MKRN2OS: variants seen among roughly 807,000 people sequenced by gnomAD.
The protein encoded by MKRN2OS is MKRN2 opposite strand protein.
Under a neutral mutation model 18.2 loss-of-function variants are expected in MKRN2OS, and 17 were observed. That is an observed-to-expected ratio of 0.93 (90% CI 0.64 to 1.40). MKRN2OS has a LOEUF of 1.40. MKRN2OS is among the 40% of genes most tolerant of loss of function. The pLI is 0.00. For missense variants in MKRN2OS, 337 were observed against 283.0 expected, an observed-to-expected ratio of 1.19 and a Z score of -1.37; for synonymous variants, 121 against 108.5, an observed-to-expected ratio of 1.12 and a Z score of -0.72.
At chr3:12,545,595 G>A (rs2057875220), upstream of MKRN2OS, 1 of 650,166 alleles carries the variant, frequency 1.5e-6, no homozygotes, top group Admixed American at 3.3e-5. Flanking sequence ...GGCTTCAGAA[G>A]CCAAACCAGA....
In MKRN2OS at chr3:12,540,229, C is replaced by T; in HGVS notation, c.636G>A (p.Gln212=). ...HGFYVTDCPQ[Q]QAQPPEGGGL... ...CGCCGCCCTCAGGGGGTTGTGCCTGCTGCTGGGGACAGTCAGTGACGTAGA... is the reference window on the plus strand; with the variant it reads ...CGCCGCCCTCAGGGGGTTGTGCCTGTTGCTGGGGACAGTCAGTGACGTAGA... Residue 212 remains glutamine (Q), a synonymous_variant, in exon 4 of 4, where the codon CAG becomes CAA. Coordinates refer to ENST00000564146, the MANE Select transcript of MKRN2OS (RefSeq NM_001195279.2). The T allele has an allele frequency of 6.5e-7, 1 of 1,536,156 alleles. No individual in the cohort carries two copies. The highest frequency in any genetic ancestry group is 8.7e-7 in the Non-Finnish European group (1 of 1,146,910).
chr3:12,544,418 G>A (rs2057857891), intron 1 of MKRN2OS, among the ~76,000 whole-genome samples: 1 of 152,154 alleles, frequency 6.6e-6, no homozygotes, highest in Non-Finnish European at 1.5e-5. Context: ...GCTGATGCCT[G>A]TAATCCCACC....
chr3:12,542,017 C>T lies in MKRN2OS; in HGVS notation c.274G>A (p.Val92Met). 1 of 1,533,534 alleles carries T rather than the reference C, an allele frequency of 6.5e-7. No homozygotes were observed. Among genetic ancestry groups the T allele is most frequent in the Non-Finnish European group, 8.7e-7 (1 of 1,145,266 alleles). 95.0% of individuals were successfully genotyped at this position (1,533,534 alleles called of 1,614,324 possible). A position where few individuals can be genotyped will look rare whatever the true frequency, so the allele number is the denominator to read the frequency against. ...ACACCATGTGCACTGTAATTATACACAACCCCTGCAAATCAAAACCAAAGT... is the reference window on the plus strand; with the variant it reads ...ACACCATGTGCACTGTAATTATACATAACCCCTGCAAATCAAAACCAAAGT... The part of the protein sequence containing the change: ...HVGITNTNGV[V>M]YNYSAHGVQR... The change falls in exon 3 of 4, where the codon GTG becomes ATG. Residue 92 changes from valine (V) to methionine (M), a missense_variant. Val to Met is a conservative substitution (Grantham distance 21). Transcript: ENST00000564146.
At chr3:12,545,586 G>A (rs1477309439), upstream of MKRN2OS, 8 of 704,022 alleles carry the variant, frequency 1.1e-5, no homozygotes, top group East Asian at 2.3e-4. Context: ...CTGACTGATG[G>A]CTTCAGAAGC....
chr3:12,548,864 A>T (rs1327497555), upstream of MKRN2OS, among the ~76,000 whole-genome samples: 2 of 152,184 alleles, frequency 1.3e-5, no homozygotes, highest in Admixed American at 6.5e-5. Flanking sequence ...TAATCTTGTT[A>T]TAAAATAAAA....
rs73126397 is a variant in MKRN2OS at position 12,559,250 on chromosome 3, C to T, written n.264+1507G>A. Among the ~76,000 whole-genome samples, 862 of 152,258 alleles carry T rather than the reference C, an allele frequency of 5.7e-3. 4 individuals are homozygous for T. The highest frequency in any genetic ancestry group is 0.019 in the African/African-American group (791 of 41,554). ...AATATGACCAAGAGTACCAAGTTTA[C>T]ATTAGTGTGTTTATCTACCATCAAC... is the stretch of plus-strand genomic sequence containing the variant. On this transcript the variant is annotated intron_variant and non_coding_transcript_variant, in intron 1 of 1. Transcript: ENST00000447550.
At position 12,540,188 on chromosome 3, in the gene MKRN2OS, A is replaced by G; in HGVS notation, c.*5T>C. 6.5e-7 allele frequency: 1 copy of G among 1,536,114 alleles called. No homozygotes were observed. The highest frequency in any genetic ancestry group is 8.7e-7 in the Non-Finnish European group (1 of 1,146,908). On this transcript the variant is annotated 3_prime_UTR_variant, in exon 4 of 4. Coordinates refer to ENST00000564146, the MANE Select transcript of MKRN2OS (RefSeq NM_001195279.2). ...TCCAGCGTCCAGGCTGCGCTTACATAGCTCTCAGCACAAACCGCCGCCCTC... is the reference window on the plus strand; with the variant it reads ...TCCAGCGTCCAGGCTGCGCTTACATGGCTCTCAGCACAAACCGCCGCCCTC...
upstream of MKRN2OS, chr3:12,545,551 G>C (rs990685113): frequency 5.8e-6 from 6 of 1,031,204 alleles, no homozygotes; most frequent in African/African-American, 8.1e-5. Context: ...CCGCCCCAAG[G>C]AACCTGATCA....
At chr3:12,549,953 C>G (rs771866310), upstream of MKRN2OS, among the ~76,000 whole-genome samples, 16 of 152,170 alleles carry the variant, frequency 1.1e-4, no homozygotes, top group Non-Finnish European at 2.1e-4. Context: ...ATACCAAATA[C>G]TGGAGAGGAT....
At chr3:12,546,000 G>A (rs1237209476), upstream of MKRN2OS, among the ~76,000 whole-genome samples, 1 of 152,054 alleles carries the variant, frequency 6.6e-6, no homozygotes, top group African/African-American at 2.4e-5. Context: ...TAGAGATGGG[G>A]GTTTCACCAT....
At chr3:12,556,529 A>G (rs1229452725) in intron 1 of MKRN2OS, among the ~76,000 whole-genome samples, 1 of 152,166 alleles carries the variant, frequency 6.6e-6, no homozygotes, top group African/African-American at 2.4e-5. Flanking sequence ...GGTTTCCACC[A>G]TAGGAAATGG....
intron 2 of MKRN2OS, among the ~76,000 whole-genome samples, chr3:12,542,922 A>C (rs1023190710): frequency 7.2e-5 from 11 of 152,182 alleles, no homozygotes; most frequent in Non-Finnish European, 1.5e-4. Flanking sequence ...TTTAAAAACC[A>C]ATAAAAAATG....
chr3:12,558,019 G>C (rs527335404), intron 1 of MKRN2OS, among the ~76,000 whole-genome samples: 1 of 152,356 alleles, frequency 6.6e-6, no homozygotes, highest in East Asian at 1.9e-4. Flanking sequence ...CTATTGAATT[G>C]TATGTTTGGA....
chr3:12,546,888 A>T (rs2057889779), upstream of MKRN2OS, among the ~76,000 whole-genome samples: 1 of 152,160 alleles, frequency 6.6e-6, no homozygotes, highest in African/African-American at 2.4e-5. Context: ...TACATGGGAT[A>T]TTTTGATACA....
chr3:12,557,571 A>G (rs1300506392), intron 1 of MKRN2OS, among the ~76,000 whole-genome samples: 28 of 152,280 alleles, frequency 1.8e-4, no homozygotes, highest in Non-Finnish European at 1.3e-4. Context: ...TGGGGATACC[A>G]CATAGGAGTA....
upstream of MKRN2OS, among the ~76,000 whole-genome samples, chr3:12,546,411 A>C (rs1237292084): frequency 9.2e-5 from 14 of 151,982 alleles, no homozygotes; most frequent in South Asian, 4.1e-4. Flanking sequence ...GGCTGTTGTG[A>C]CTCATCTGGG....
intron 1 of MKRN2OS, chr3:12,557,058 G>A (rs2057978748): frequency 1.6e-6 from 2 of 1,268,144 alleles, no homozygotes; most frequent in Non-Finnish European, 2.0e-6. Context: ...GGCGTGACGC[G>A]GCTACGCGGG....
At chr3:12,553,155 G>C (rs768924458), downstream of MKRN2OS, among the ~76,000 whole-genome samples, 2 of 151,552 alleles carry the variant, frequency 1.3e-5, no homozygotes, top group Non-Finnish European at 2.9e-5. Context: ...AGAAAAGAAA[G>C]ACTTCCAAAC....
rs10651248 is a variant in MKRN2OS, at chr3:12,560,478, T to TAAAA, written n.264+275_264+278dup. 1.3e-3 allele frequency among the ~76,000 whole-genome samples: 168 copies of TAAAA among 124,950 alleles called. 2 individuals are homozygous for TAAAA. In the Middle Eastern group the frequency reaches 0.018, roughly 14 times the overall value. 82.0% of individuals were successfully genotyped at this position (124,950 alleles called of 152,430 possible). A position where few individuals can be genotyped will look rare whatever the true frequency, so the allele number is the denominator to read the frequency against. ...GCCTGTGAAAATATGTAGGAAAATG[T>TAAAA]AAAAAAAAAAAAAAAAAAAGACACT... On this transcript the variant is annotated intron_variant and non_coding_transcript_variant, in intron 1 of 1. Coordinates refer to the MKRN2OS transcript ENST00000447550.
Sources: gnomAD v4.1 joint callset for allele counts (sites outside exome capture counted in the v4.1 genomes callset) on GRCh38, gnomAD v4.1.1 for gene constraint, MANE v1.5 for transcripts, NCBI Gene and HGNC (gene_info 2026-07-23, HGNC 2026-07-21) for gene names.